The following ADGRE2 variants were observed in gnomAD, a reference collection of about 807,000 sequenced individuals.
The protein encoded by ADGRE2 is CD97 antigen.
A neutral mutation model predicts 100.8 loss-of-function variants in ADGRE2; 83 were observed. The observed-to-expected ratio is 0.82, with a 90% CI of 0.69 to 0.99. The LOEUF is 0.99. Among genes scored for constraint, ADGRE2 ranks in the 50% least tolerant of loss-of-function variants. The pLI is 0.00. For synonymous variants in ADGRE2, 355 were observed against 413.0 expected, an observed-to-expected ratio of 0.86 and a Z score of 1.70; for missense variants, 814 against 1,035.7, an observed-to-expected ratio of 0.79 and a Z score of 2.94.
intron 20 of ADGRE2, among the ~76,000 whole-genome samples, chr19:14,736,462 C>T (rs774619039): frequency 9.2e-5 from 14 of 151,910 alleles, no homozygotes; most frequent in Non-Finnish European, 1.3e-4. Flanking sequence ...GGTTTCACCA[C>T]GTAGGCCAGG....
chr19:14,738,716 G>A (rs1196236548), intron 20 of ADGRE2, among the ~76,000 whole-genome samples: 3 of 151,962 alleles, frequency 2.0e-5, no homozygotes, highest in African/African-American at 7.3e-5. Context: ...TCTCCAATAT[G>A]AGTTATTTAT....
chr19:14,770,677 T>TTCTC (rs1568623230), intron 5 of ADGRE2, among the ~76,000 whole-genome samples: 1 of 120,780 alleles, frequency 8.3e-6, no homozygotes, highest in Non-Finnish European at 1.7e-5. Context: ...TTCTTTTTTT[T>TTCTC]TTTTTTTTTT....
At position 14,772,454 on chromosome 19, in the gene ADGRE2, T is replaced by A; in HGVS notation, c.243A>T (p.Lys81Asn). 1 of 1,613,986 alleles carries A rather than the reference T, an allele frequency of 6.2e-7. No individual in the cohort carries two copies. Among genetic ancestry groups the A allele is most frequent in the Non-Finnish European group, 8.5e-7 (1 of 1,180,010 alleles). Reference sequence around the variant, plus strand: ...CCTCTGTGTTCCAGCAGTCCGAGAATTTTCCGCATGACACTTTCGACAGTG... The same window carrying A: ...CCTCTGTGTTCCAGCAGTCCGAGAAATTTCCGCATGACACTTTCGACAGTG... ...CATLSKVSCG[K>N]FSDCWNTEGS... Residue 81 changes from lysine to asparagine, a missense_variant, in exon 5 of 21, where the codon AAA becomes AAT. Lys to Asn is a moderately conservative substitution (Grantham distance 94, BLOSUM62 0). This residue lies in a region of ADGRE2 where 143 missense variants were observed against 160.3 expected (regional missense o/e 0.89). Transcript: ENST00000315576.
intron 5 of ADGRE2, chr19:14,772,024 G>T: frequency 2.6e-6 from 1 of 390,106 alleles, no homozygotes. Flanking sequence ...CATAGGAGTA[G>T]GCCATTATTA....
intron 12 of ADGRE2, 82 bp from the exon 13 acceptor site, chr19:14,755,959 C>A (rs1287361790): frequency 8.3e-7 from 1 of 1,211,480 alleles, no homozygotes; most frequent in Non-Finnish European, 1.2e-6. Context: ...CTGCACAGAA[C>A]TTTCTACTCA....
intron 5 of ADGRE2, chr19:14,772,066 G>T: frequency 2.0e-6 from 1 of 489,288 alleles, no homozygotes; most frequent in Non-Finnish European, 3.7e-6. Context: ...GTAAACCAAG[G>T]CTCTAAGAGC....
At chr19:14,760,977 G>T (rs1049133565) in intron 11 of ADGRE2, among the ~76,000 whole-genome samples, 2 of 152,134 alleles carry the variant, frequency 1.3e-5, no homozygotes, top group Non-Finnish European at 2.9e-5. Flanking sequence ...AATCAGAAAA[G>T]CTTAAATCTA....
chr19:14,767,243 T>A, intron 5 of ADGRE2, 134 bp from the exon 6 acceptor site: 2 of 79,698 alleles, frequency 2.5e-5, no homozygotes, highest in Non-Finnish European at 3.8e-5. Flanking sequence ...TCTTTCTTTC[T>A]TTTTTTTTTT....
intron 2 of ADGRE2, 177 bp downstream of exon 2, chr19:14,776,538 GGGTGTGGGGGT>G: frequency 2.7e-6 from 1 of 364,456 alleles, no homozygotes; most frequent in South Asian, 2.6e-5. Context: ...GTTCCTGCCG[GGGTGTGGGGGT>G]GCCCAAGCAC....
chr19:14,749,620 TTACATAATTATTTATAGC>T (rs2043214478), intron 16 of ADGRE2, among the ~76,000 whole-genome samples: 1 of 143,888 alleles, frequency 6.9e-6, no homozygotes, highest in Non-Finnish European at 1.5e-5. Flanking sequence ...TTATTTATAG[TTACATAATTATTTATAGC>T]TATGTTATGT....
chr19:14,772,237 A>G (rs114892797), intron 5 of ADGRE2, 105 bp downstream of exon 5: 20,113 of 1,499,374 alleles, frequency 0.013, 391 homozygotes, highest in South Asian at 0.068. Context: ...GACTCCAGGA[A>G]CTGAACCTAT....
Position 14,749,196 on chromosome 19 carries a change from A to G in ADGRE2, c.2025-2234T>C, listed in dbSNP as rs182846421. Among the ~76,000 whole-genome samples the G allele has an allele frequency of 5.4e-3, 684 of 127,600 alleles. 6 individuals are homozygous for G. The highest frequency in any genetic ancestry group is 0.021 in the African/African-American group (650 of 31,396). The allele number at this position is 127,600 out of a possible 152,430, so 83.7% of individuals were successfully genotyped here. A position where few individuals can be genotyped will look rare whatever the true frequency, so the allele number is the denominator to read the frequency against. On this transcript the variant is annotated intron_variant, in intron 16 of 20. Transcript: ENST00000315576. ...TAACCATATAATTATATAACCATAT[A>G]ATTATAATGTGATCATATAATTTTA...
chr19:14,727,534 C>A (rs531688699), downstream of ADGRE2, among the ~76,000 whole-genome samples: 31 of 152,194 alleles, frequency 2.0e-4, no homozygotes, highest in Non-Finnish European at 4.1e-4. Context: ...CTGGTGTGAA[C>A]TACCAGAGCA....
At chr19:14,755,583 G>T in intron 13 of ADGRE2, 71 bp downstream of exon 13, 1 of 1,385,870 alleles carries the variant, frequency 7.2e-7, no homozygotes, top group African/African-American at 1.4e-5. Context: ...GAGCCCCAGG[G>T]CTGAGCTGAG....
Position 14,751,460 on chromosome 19 carries a change from G to A in ADGRE2, c.2000C>T (p.Pro667Leu). The A allele has an allele frequency of 6.2e-7, 1 of 1,613,986 alleles. No homozygotes were observed. Among genetic ancestry groups the A allele is most frequent in the Non-Finnish European group, 8.5e-7 (1 of 1,179,876 alleles). ...VTVAISAASRPHLYGTPSRCW... is the reference protein window; with the variant it reads ...VTVAISAASRLHLYGTPSRCW... ...CCGGGAAGGTGTTCCATAAAGGTGA[G>A]GCCTGGAGGCTGCAGAAATGGCCAC... The change falls in exon 16 of 21, where the codon CCT becomes CTT. Residue 667 changes from proline to leucine, a missense_variant. Pro to Leu is a moderately conservative substitution (Grantham distance 98, BLOSUM62 -3). Transcript: ENST00000315576.
chr19:14,764,031 C>T (rs935450163), intron 11 of ADGRE2, among the ~76,000 whole-genome samples: 1 of 150,362 alleles, frequency 6.7e-6, no homozygotes, highest in South Asian at 2.1e-4. Context: ...CCTCCTCCTC[C>T]TTCTCTTCTT....
intron 11 of ADGRE2, among the ~76,000 whole-genome samples, chr19:14,758,827 G>A (rs1361187270): frequency 6.7e-6 from 1 of 148,164 alleles, no homozygotes; most frequent in Non-Finnish European, 1.5e-5. Flanking sequence ...GGAGCTTGCA[G>A]TGAGCCGAGA....
chr19:14,758,778 C>A (rs2043590686), intron 11 of ADGRE2, among the ~76,000 whole-genome samples: 1 of 149,200 alleles, frequency 6.7e-6, no homozygotes, highest in Non-Finnish European at 1.5e-5. Context: ...CCAGCTACTC[C>A]GGAGGCTGAG....
At chr19:14,772,596 G>A (rs910906175) in intron 4 of ADGRE2, 99 bp from the exon 5 acceptor site, 2 of 1,431,214 alleles carry the variant, frequency 1.4e-6, no homozygotes, top group Non-Finnish European at 1.9e-6. Context: ...CTGCTGCTTA[G>A]TATCTTTTGG....
Sources: allele counts gnomAD v4.1 joint callset (sites outside exome capture counted in the v4.1 genomes callset), GRCh38; gene constraint gnomAD v4.1.1; regional missense constraint gnomAD v4.1.1; transcripts MANE v1.5; gene names NCBI Gene and HGNC (gene_info 2026-07-23, HGNC 2026-07-21).